RSBN1L: variants seen among roughly 807,000 people sequenced by gnomAD.
RSBN1L encodes the protein lysine-specific demethylase RSBN1L.
In RSBN1L, 30 loss-of-function variants were observed where a neutral mutation model predicts 67.7. That is an observed-to-expected ratio of 0.44 (90% CI 0.33 to 0.60). The LOEUF (loss-of-function observed/expected upper bound fraction) is 0.60, where lower values mean the gene tolerates loss of function less well. Among genes scored for constraint, RSBN1L ranks in the 20% least tolerant of loss-of-function variants. The pLI is 0.02. For missense variants in RSBN1L, 992 were observed against 1,031.7 expected, an observed-to-expected ratio of 0.96 and a Z score of 0.53; for synonymous variants, 433 against 387.0, an observed-to-expected ratio of 1.12 and a Z score of -1.39.
intron 3 of RSBN1L, among the ~76,000 whole-genome samples, chr7:77,760,388 G>A (rs905222328): frequency 6.6e-6 from 1 of 152,036 alleles, no homozygotes; most frequent in Non-Finnish European, 1.5e-5. Context: ...AAGTGAAAAT[G>A]TGGCCATGAT....
intron 1 of RSBN1L, among the ~76,000 whole-genome samples, chr7:77,727,625 A>AT (rs879882290): frequency 0.034 from 4,893 of 142,174 alleles, 243 homozygotes; most frequent in African/African-American, 0.11. Context: ...TAAAAAACAA[A>AT]TTTTTTTTTT....
At chr7:77,713,458 G>A (rs1791003123) in intron 1 of RSBN1L, among the ~76,000 whole-genome samples, 1 of 151,296 alleles carries the variant, frequency 6.6e-6, no homozygotes, top group South Asian at 2.1e-4. Flanking sequence ...CCAGGTTCAC[G>A]CCATTCTCCT....
intron 3 of RSBN1L, chr7:77,759,878 A>G (rs940147819): frequency 6.6e-6 from 1 of 152,328 alleles, no homozygotes; most frequent in South Asian, 2.1e-4. Context: ...CTCCTCAGAA[A>G]CTTTAATAGC....
At chr7:77,740,492 T>A (rs111723575) in intron 2 of RSBN1L, among the ~76,000 whole-genome samples, 339 of 152,240 alleles carry the variant, frequency 2.2e-3, no homozygotes, top group Non-Finnish European at 3.5e-3. Context: ...GTGACAACAT[T>A]GCAGTGCAAA....
chr7:77,709,192 G>A (rs62460703), intron 1 of RSBN1L, among the ~76,000 whole-genome samples: 27,060 of 127,070 alleles, frequency 0.21, 2,299 homozygotes, highest in African/African-American at 0.3. Flanking sequence ...GTGTGTGTGT[G>A]TGTGTATGTA....
chr7:77,755,695 A>G (rs1274231004), intron 3 of RSBN1L, among the ~76,000 whole-genome samples: 2 of 151,360 alleles, frequency 1.3e-5, no homozygotes, highest in East Asian at 1.9e-4. Flanking sequence ...AAAACAAACA[A>G]CCTCTGATAA....
At chr7:77,704,487 C>G (rs1331390650) in intron 1 of RSBN1L, among the ~76,000 whole-genome samples, 2 of 152,096 alleles carry the variant, frequency 1.3e-5, no homozygotes, top group Non-Finnish European at 2.9e-5. Context: ...TAAATTAATA[C>G]AAAAGAAACC....
Position 77,779,901 on chromosome 7 carries a change from T to A in RSBN1L, c.*733T>A, listed in dbSNP as rs1042942486. On this transcript the variant is annotated 3_prime_UTR_variant, in exon 8 of 8. Coordinates refer to ENST00000334955, the MANE Select transcript of RSBN1L (RefSeq NM_198467.3). ...TGGAGTTCAGTGGTGCGATCTCGGC[T>A]CACTGCAACCTCTGCCTCTCGGGTT... 1 of 151,636 alleles carries A rather than the reference T, an allele frequency of 6.6e-6. No homozygotes were observed. The highest frequency in any genetic ancestry group is 2.4e-5 in the African/African-American group (1 of 41,210). The allele number at this position is 151,636 out of a possible 1,614,324, so 9.4% of individuals were successfully genotyped here. A position where few individuals can be genotyped will look rare whatever the true frequency, so the allele number is the denominator to read the frequency against.
At position 77,779,134 on chromosome 7, in the gene RSBN1L, A is replaced by G. The variant is rs767007974; in HGVS notation, c.2507A>G (p.Asn836Ser). 67 of 1,592,878 alleles carry G rather than the reference A, an allele frequency of 4.2e-5. No homozygotes were observed. The highest frequency in any genetic ancestry group is 5.5e-5 in the Non-Finnish European group (64 of 1,172,966). ...AGGCAACACAGTTCAGCACATTCAAATCAAGATAAAAAAGACGATGACATT... is the reference window on the plus strand; with the variant it reads ...AGGCAACACAGTTCAGCACATTCAAGTCAAGATAAAAAAGACGATGACATT... ...DTRQHSSAHSNQDKKDDDILC is the reference protein window; with the variant it reads ...DTRQHSSAHSSQDKKDDDILC The change falls in exon 8 of 8, where the codon AAT becomes AGT. Residue 836 changes from asparagine (N) to serine (S), a missense_variant. This residue lies in a region of RSBN1L where 199 missense variants were observed against 167.7 expected (regional missense o/e 1.19). Transcript: ENST00000334955.
intron 1 of RSBN1L, among the ~76,000 whole-genome samples, chr7:77,732,941 CA>C (rs940793691): frequency 9.2e-5 from 14 of 152,180 alleles, no homozygotes; most frequent in African/African-American, 3.4e-4. Context: ...GTAGGTATCC[CA>C]CTTTATCATA....
At chr7:77,723,977 T>C (rs1584282533) in intron 1 of RSBN1L, among the ~76,000 whole-genome samples, 3 of 152,010 alleles carry the variant, frequency 2.0e-5, no homozygotes, top group African/African-American at 7.2e-5. Flanking sequence ...AGGATCTCTC[T>C]GTGTTGCCCA....
intron 5 of RSBN1L, among the ~76,000 whole-genome samples, chr7:77,770,223 A>G (rs1175461809): frequency 1.3e-5 from 2 of 152,134 alleles, no homozygotes; most frequent in Non-Finnish European, 2.9e-5. Context: ...AAAATAGAAC[A>G]AATTAGCCCA....
At chr7:77,738,226 C>T (rs1791362666) in intron 2 of RSBN1L, among the ~76,000 whole-genome samples, 1 of 151,764 alleles carries the variant, frequency 6.6e-6, no homozygotes, top group Non-Finnish European at 1.5e-5. Context: ...ATACTGGATT[C>T]CTAACATAAT....
chr7:77,710,563 C>T (rs558127442), intron 1 of RSBN1L, among the ~76,000 whole-genome samples: 5 of 152,022 alleles, frequency 3.3e-5, no homozygotes, highest in Admixed American at 6.6e-5. Context: ...TTGTTCTTCT[C>T]TTATCCTGAC....
At chr7:77,729,766 C>G (rs193191869) in intron 1 of RSBN1L, among the ~76,000 whole-genome samples, 3 of 152,044 alleles carry the variant, frequency 2.0e-5, no homozygotes, top group African/African-American at 4.8e-5. Context: ...CTAGCCTGGG[C>G]AACATAGTGA....
At chr7:77,723,289 G>A (rs1271874056) in intron 1 of RSBN1L, among the ~76,000 whole-genome samples, 1 of 151,896 alleles carries the variant, frequency 6.6e-6, no homozygotes, top group Admixed American at 6.6e-5. Flanking sequence ...AACTTCCAGT[G>A]TGGATTTTTA....
intron 2 of RSBN1L, among the ~76,000 whole-genome samples, chr7:77,738,758 G>A (rs941177224): frequency 1.3e-5 from 2 of 152,038 alleles, no homozygotes; most frequent in Non-Finnish European, 2.9e-5. Flanking sequence ...GACCAGCCTG[G>A]CCAAGTTGGT....
chr7:77,717,932 TCA>T (rs1305201322), intron 1 of RSBN1L, among the ~76,000 whole-genome samples: 1 of 152,164 alleles, frequency 6.6e-6, no homozygotes, highest in African/African-American at 2.4e-5. Flanking sequence ...GGCAGGAGAA[TCA>T]CTGGAACCTG....
intron 1 of RSBN1L, among the ~76,000 whole-genome samples, chr7:77,730,337 C>T (rs971053024): frequency 6.6e-6 from 1 of 152,230 alleles, no homozygotes; most frequent in Non-Finnish European, 1.5e-5. Context: ...CATAGCCTTC[C>T]CCATTATTAA....
Sources: gnomAD v4.1 joint callset for allele counts (sites outside exome capture counted in the v4.1 genomes callset) on GRCh38, gnomAD v4.1.1 for gene constraint, gnomAD v4.1.1 regional missense constraint, MANE v1.5 for transcripts, NCBI Gene and HGNC (gene_info 2026-07-23, HGNC 2026-07-21) for gene names.